Variants in ANKS1B observed in about 807,000 individuals in gnomAD.
ANKS1B encodes the protein ankyrin repeat and sterile alpha motif domain containing 1B, also known as ankyrin repeat and sterile alpha motif domain-containing protein 1B.
In ANKS1B, 36 loss-of-function variants were observed where a neutral mutation model predicts 148.3. The ratio of observed to expected loss-of-function variants is 0.24; its 90% CI spans 0.19 to 0.32. The LOEUF (loss-of-function observed/expected upper bound fraction) is 0.32. Among genes scored for constraint, ANKS1B ranks in the 10% least tolerant of loss-of-function variants. The pLI is 1.00. For synonymous variants in ANKS1B, 542 were observed against 560.8 expected (o/e 0.97, Z 0.47); for missense variants, 1,157 against 1,542.6 (o/e 0.75, Z 4.19).
chr12:99,065,915 G>A (rs899436086), intron 16 of ANKS1B, among the ~76,000 whole-genome samples: 6 of 152,128 alleles, frequency 3.9e-5, no homozygotes, highest in African/African-American at 1.2e-4. Context: ...AAGTGCAGTG[G>A]GGGGATCGGA....
chr12:99,713,954 T>C (rs1447429632), intron 8 of ANKS1B, among the ~76,000 whole-genome samples: 2 of 152,210 alleles, frequency 1.3e-5, no homozygotes, highest in Non-Finnish European at 2.9e-5. Flanking sequence ...CTCACTAACT[T>C]AGTGGCTTGA....
chr12:99,318,074 T>C (rs1266589352), intron 12 of ANKS1B, among the ~76,000 whole-genome samples: 1 of 152,212 alleles, frequency 6.6e-6, no homozygotes, highest in Non-Finnish European at 1.5e-5. Context: ...TGCCAGTATT[T>C]TATTGAGGAT....
At chr12:99,020,987 A>G (rs1220939104) in intron 17 of ANKS1B, among the ~76,000 whole-genome samples, 23 of 152,182 alleles carry the variant, frequency 1.5e-4, no homozygotes, top group Admixed American at 1.4e-3. Context: ...GAATATGAGC[A>G]GGAGACATGA....
chr12:99,736,968 A>G (rs1352541231), intron 8 of ANKS1B, among the ~76,000 whole-genome samples: 7 of 152,206 alleles, frequency 4.6e-5, no homozygotes. Flanking sequence ...CATCAGGGAA[A>G]TGTATATTAA....
chr12:98,889,679 G>T (rs917349172), intron 17 of ANKS1B, among the ~76,000 whole-genome samples: 7 of 152,162 alleles, frequency 4.6e-5, no homozygotes. Context: ...GAAGTTTCTG[G>T]TTTTTTATTG....
chr12:99,472,237 G>A (rs1292717962), intron 10 of ANKS1B, among the ~76,000 whole-genome samples: 2 of 151,854 alleles, frequency 1.3e-5, no homozygotes, highest in Non-Finnish European at 2.9e-5. Flanking sequence ...ATATCCTGCC[G>A]GACCTAGCTC....
At chr12:99,735,579 G>A (rs1263613594) in intron 8 of ANKS1B, among the ~76,000 whole-genome samples, 2 of 151,976 alleles carry the variant, frequency 1.3e-5, no homozygotes, top group Non-Finnish European at 2.9e-5. Context: ...CAGAAAACCT[G>A]AACAGACCAA....
Position 99,078,232 on chromosome 12 carries a change from T to G in ANKS1B, c.2625+6693A>C, listed in dbSNP as rs189258985. ...TAACTTTCTAGCTATGTTAGTTTAT[T>G]AGAACCCGTTTTATTTGCTAACATT... On this transcript the variant is annotated intron_variant, in intron 16 of 26. Coordinates refer to ENST00000683438, the MANE Select transcript of ANKS1B (RefSeq NM_001352186.2). Among the ~76,000 whole-genome samples the G allele has an allele frequency of 3.9e-5, 6 of 152,358 alleles. No individual in the cohort carries two copies. In the East Asian group the frequency reaches 1.2e-3, roughly 29 times the overall value.
chr12:99,034,609 C>T (rs970353343), intron 17 of ANKS1B, among the ~76,000 whole-genome samples: 1 of 152,184 alleles, frequency 6.6e-6, no homozygotes, highest in Non-Finnish European at 1.5e-5. Context: ...AGCCACTGCA[C>T]CTGACAAGCA....
At chr12:98,814,172 G>T (rs545312427) in intron 19 of ANKS1B, among the ~76,000 whole-genome samples, 1 of 151,850 alleles carries the variant, frequency 6.6e-6, no homozygotes, top group Non-Finnish European at 1.5e-5. Context: ...GAGCCACCGC[G>T]CCTGGCCATA....
At chr12:99,758,736 T>C (rs1338853598) in intron 8 of ANKS1B, among the ~76,000 whole-genome samples, 1 of 151,924 alleles carries the variant, frequency 6.6e-6, no homozygotes, top group Non-Finnish European at 1.5e-5. Flanking sequence ...TAATGTCACA[T>C]ACAATACAAA....
intron 12 of ANKS1B, among the ~76,000 whole-genome samples, chr12:99,289,970 G>A (rs942141526): frequency 4.0e-5 from 6 of 151,322 alleles, no homozygotes; most frequent in Non-Finnish European, 7.4e-5. Context: ...AATACAAAAC[G>A]TCAATGAAAT....
intron 17 of ANKS1B, among the ~76,000 whole-genome samples, chr12:98,898,709 T>C (rs1022691995): frequency 4.6e-5 from 7 of 152,218 alleles, no homozygotes; most frequent in African/African-American, 1.4e-4. Context: ...TAGTCTGATG[T>C]AATATGTAGC....
chr12:99,491,730 G>C (rs185486494), intron 10 of ANKS1B, among the ~76,000 whole-genome samples: 2 of 152,084 alleles, frequency 1.3e-5, no homozygotes, highest in Admixed American at 6.6e-5. Flanking sequence ...AAGGATTACA[G>C]CCTCTAGCTC....
At chr12:99,574,640 A>G (rs1178971003) in intron 9 of ANKS1B, among the ~76,000 whole-genome samples, 1 of 151,824 alleles carries the variant, frequency 6.6e-6, no homozygotes, top group Non-Finnish European at 1.5e-5. Context: ...TTTGAAATCA[A>G]TCAATGAAGT....
chr12:99,408,549 A>C (rs1018845049), intron 11 of ANKS1B, among the ~76,000 whole-genome samples: 1 of 145,790 alleles, frequency 6.9e-6, no homozygotes, highest in Non-Finnish European at 1.5e-5. Flanking sequence ...CAACCAATAA[A>C]GTGAAGAGAC....
chr12:99,654,080 A>G (rs993951403), intron 9 of ANKS1B, among the ~76,000 whole-genome samples: 4 of 152,196 alleles, frequency 2.6e-5, no homozygotes, highest in African/African-American at 9.7e-5. Flanking sequence ...AATTCTGTAA[A>G]GGTTACAGTA....
At chr12:99,319,383 G>C (rs1427939378) in intron 12 of ANKS1B, among the ~76,000 whole-genome samples, 1 of 152,198 alleles carries the variant, frequency 6.6e-6, no homozygotes, top group East Asian at 1.9e-4. Flanking sequence ...ATTTAGGATA[G>C]TTAGCTCTTC....
At chr12:99,212,937 T>C (rs985448209) in intron 14 of ANKS1B, among the ~76,000 whole-genome samples, 1 of 152,170 alleles carries the variant, frequency 6.6e-6, no homozygotes, top group Non-Finnish European at 1.5e-5. Context: ...AAACAAACAA[T>C]GTTCAAAGAT....
Sources: gnomAD v4.1 joint callset for allele counts (sites outside exome capture counted in the v4.1 genomes callset) on GRCh38, gnomAD v4.1.1 for gene constraint, MANE v1.5 for transcripts, NCBI Gene and HGNC (gene_info 2026-07-23, HGNC 2026-07-21) for gene names.